TNS3: variants seen among roughly 807,000 people sequenced by gnomAD.
TNS3 encodes the protein tensin 3, also known as tensin-3.
TNS3 carries 45 observed loss-of-function variants against 140.9 expected under a neutral mutation model. That is an observed-to-expected ratio of 0.32 (90% confidence interval 0.25 to 0.41). TNS3 has a LOEUF of 0.41. TNS3 is among the 10% of genes least tolerant of loss of function. The pLI is 1.00. For missense variants in TNS3, 1,716 were observed against 1,906.7 expected, an observed-to-expected ratio of 0.90 and a Z score of 1.86; for synonymous variants, 815 against 788.4, an observed-to-expected ratio of 1.03 and a Z score of -0.56.
chr7:47,401,660 G>A (rs1352014072), intron 13 of TNS3, among the ~76,000 whole-genome samples: 1 of 152,212 alleles, frequency 6.6e-6, no homozygotes, highest in East Asian at 1.9e-4. Flanking sequence ...GGGGAACGGT[G>A]GGCAGAGCAG....
chr7:47,310,052 T>C (rs1427306838), intron 20 of TNS3, among the ~76,000 whole-genome samples: 1 of 152,146 alleles, frequency 6.6e-6, no homozygotes, highest in African/African-American at 2.4e-5. Flanking sequence ...ATACACAAAC[T>C]AGCAGTGGTA....
At chr7:47,336,551 T>C (rs1207095406) in intron 20 of TNS3, among the ~76,000 whole-genome samples, 1 of 152,192 alleles carries the variant, frequency 6.6e-6, no homozygotes, top group Non-Finnish European at 1.5e-5. Flanking sequence ...AAGAATCGCT[T>C]GTTTGTGAGA....
chr7:47,389,111 GAAGAAGAAGAAGAAGAA>G (rs1792335994), intron 16 of TNS3, among the ~76,000 whole-genome samples: 4 of 56,828 alleles, frequency 7.0e-5, no homozygotes, highest in Admixed American at 1.7e-4. Flanking sequence ...AGCGGAAGCA[GAAGAAGAAGAAGAAGAA>G]GAAGAAGAAG....
intron 16 of TNS3, among the ~76,000 whole-genome samples, chr7:47,392,910 G>GC (rs1792611363): frequency 6.6e-6 from 1 of 152,236 alleles, no homozygotes; most frequent in South Asian, 2.1e-4. Context: ...AACTTTGATG[G>GC]CAGAGGTGGT....
chr7:47,406,184 C>A lies in TNS3; in HGVS notation c.724-5270G>T, dbSNP rs1252000463. The stretch of plus-strand genomic sequence containing the variant: ...AAAGGAGCAGACTTAAGAATCTGAC[C>A]TTTTGGGAAAAGCACACTGCAAAGA... On this transcript the variant is annotated intron_variant, in intron 13 of 30. Coordinates refer to ENST00000311160, the MANE Select transcript of TNS3 (RefSeq NM_022748.12). 2.0e-5 allele frequency among the ~76,000 whole-genome samples: 3 copies of A among 152,146 alleles called. No homozygotes were observed. In the East Asian group the frequency reaches 5.8e-4, roughly 29 times the overall value.
chr7:47,513,056 T>C lies in TNS3; in HGVS notation c.-152-6112A>G, dbSNP rs184209251. Among the ~76,000 whole-genome samples the C allele has an allele frequency of 7.2e-5, 11 of 152,330 alleles. No individual in the cohort carries two copies. The East Asian group carries it at 2.1e-3, about 29-fold the overall frequency. Reference sequence around the variant, plus strand: ...GACCTTTTCTGAGGACAAATGTCATTAGAAATTGGCAAAAGTTCTGCCTAA... The same window carrying C: ...GACCTTTTCTGAGGACAAATGTCATCAGAAATTGGCAAAAGTTCTGCCTAA... On this transcript the variant is annotated intron_variant, in intron 2 of 30. Coordinates refer to ENST00000311160, the MANE Select transcript of TNS3 (RefSeq NM_022748.12).
chr7:47,380,983 G>C (rs1328672862), intron 16 of TNS3, among the ~76,000 whole-genome samples: 1 of 152,150 alleles, frequency 6.6e-6, no homozygotes, highest in Non-Finnish European at 1.5e-5. Context: ...TGGCTATGTA[G>C]GGACTTTGAT....
rs143308083 is a variant in TNS3, at chr7:47,412,872, T to C, written c.647+1065A>G. Among the ~76,000 whole-genome samples the C allele has an allele frequency of 1.2e-4, 18 of 152,372 alleles. No individual in the cohort carries two copies. In the East Asian group the frequency reaches 3.5e-3, roughly 29 times the overall value. On this transcript the variant is annotated intron_variant, in intron 12 of 30. Coordinates refer to ENST00000311160, the MANE Select transcript of TNS3 (RefSeq NM_022748.12). ...AGCCTTTACATTGAATTAGGTATTG[T>C]TATGTAATCTAGAGATGATTTAAAG...
At chr7:47,487,314 T>A (rs1302432850) in intron 3 of TNS3, among the ~76,000 whole-genome samples, 1 of 146,648 alleles carries the variant, frequency 6.8e-6, no homozygotes, top group Non-Finnish European at 1.5e-5. Context: ...AAAAAAGAAC[T>A]GAAGCGAGCA....
intron 16 of TNS3, among the ~76,000 whole-genome samples, chr7:47,380,067 C>A (rs1039261110): frequency 2.6e-5 from 4 of 152,250 alleles, no homozygotes; most frequent in Admixed American, 6.5e-5. Flanking sequence ...AGGAGCTGGG[C>A]CAGATTCCAA....
chr7:47,327,704 G>A (rs777262400), intron 20 of TNS3, among the ~76,000 whole-genome samples: 2 of 152,210 alleles, frequency 1.3e-5, no homozygotes, highest in Non-Finnish European at 2.9e-5. Context: ...GGGCTGGGGC[G>A]TTTTGTCCCA....
intron 27 of TNS3, among the ~76,000 whole-genome samples, chr7:47,285,534 T>C (rs745808524): frequency 1.8e-4 from 27 of 152,214 alleles, no homozygotes; most frequent in South Asian, 2.1e-4. Context: ...CCTTCTACCA[T>C]GATCATGAGG....
intron 1 of TNS3, among the ~76,000 whole-genome samples, chr7:47,548,237 T>TGCCAACTTTCCCAGTG (rs1799973882): frequency 1.3e-5 from 2 of 152,306 alleles, no homozygotes; most frequent in East Asian, 3.9e-4. Context: ...TTCTTGCCTG[T>TGCCAACTTTCCCAGTG]GCCAACTTTC....
At chr7:47,445,696 G>C (rs370040921) in intron 4 of TNS3, among the ~76,000 whole-genome samples, 1 of 152,140 alleles carries the variant, frequency 6.6e-6, no homozygotes, top group African/African-American at 2.4e-5. Context: ...GAACCAAGTA[G>C]AGGACATGCC....
At chr7:47,344,888 G>C (rs1047473097) in intron 19 of TNS3, 36 bp downstream of exon 19, 12 of 1,610,474 alleles carry the variant, frequency 7.5e-6, no homozygotes, top group Non-Finnish European at 1.0e-5. Context: ...CTTGGGCATG[G>C]AGCAGCACAT....
At chr7:47,375,320 A>G (rs1021281596) in intron 16 of TNS3, among the ~76,000 whole-genome samples, 10 of 152,202 alleles carry the variant, frequency 6.6e-5, no homozygotes, top group African/African-American at 2.4e-4. Context: ...TCCCCTCCCA[A>G]GGGAGGCTGT....
intron 16 of TNS3, among the ~76,000 whole-genome samples, chr7:47,372,548 G>A (rs1791134786): frequency 6.6e-6 from 1 of 152,108 alleles, no homozygotes; most frequent in African/African-American, 2.4e-5. Flanking sequence ...TCCCTCTCCT[G>A]GGGGGAGGGT....
At chr7:47,564,820 C>A (rs900021543) in intron 1 of TNS3, among the ~76,000 whole-genome samples, 37 of 151,944 alleles carry the variant, frequency 2.4e-4, no homozygotes, top group Non-Finnish European at 5.0e-4. Context: ...CCTCCCCGAC[C>A]CTATCCTCAT....
At chr7:47,467,630 A>C (rs1314402341) in intron 4 of TNS3, among the ~76,000 whole-genome samples, 2 of 152,178 alleles carry the variant, frequency 1.3e-5, no homozygotes, top group African/African-American at 2.4e-5. Context: ...GTATGAGTGA[A>C]GTTTCTGCCC....
Sources: gnomAD v4.1 joint callset for allele counts (sites outside exome capture counted in the v4.1 genomes callset) on GRCh38, gnomAD v4.1.1 for gene constraint, MANE v1.5 for transcripts, NCBI Gene and HGNC (gene_info 2026-07-23, HGNC 2026-07-21) for gene names.